GSG1L: variants seen among roughly 807,000 people sequenced by gnomAD.
The protein encoded by GSG1L is germ cell-specific gene 1-like protein.
A neutral mutation model predicts 42.1 loss-of-function variants in GSG1L; 24 were observed. That is an observed-to-expected ratio of 0.57 (90% CI 0.41 to 0.80). The LOEUF (loss-of-function observed/expected upper bound fraction) is 0.80. Among genes scored for constraint, GSG1L ranks in the 30% least tolerant of loss-of-function variants. The pLI, the probability that GSG1L is intolerant of heterozygous loss-of-function variation, is 0.00. For synonymous variants in GSG1L, 215 were observed against 203.5 expected (o/e 1.06, Z -0.48); for missense variants, 445 against 472.2 (o/e 0.94, Z 0.53).
chr16:27,961,190 C>A (rs367721045), intron 2 of GSG1L, among the ~76,000 whole-genome samples: 3 of 152,248 alleles, frequency 2.0e-5, no homozygotes, highest in African/African-American at 7.2e-5. Flanking sequence ...CACACATGCT[C>A]ACCCAGCTCA....
Position 28,059,676 on chromosome 16 carries a change from G to A in GSG1L, c.349+3400C>T, listed in dbSNP as rs1190056453. Reference sequence around the variant, plus strand: ...CCACCCCCACCACACTGACTAGAACGATGCTTGCTTCTGCTCCCCACCAAA... The same window carrying A: ...CCACCCCCACCACACTGACTAGAACAATGCTTGCTTCTGCTCCCCACCAAA... On this transcript the variant is annotated intron_variant, in intron 1 of 6. Transcript: ENST00000447459. This position sits in a 1 kb window ranked among gnomAD's most constrained non-coding sequence, Gnocchi z 4.4. 3.3e-5 allele frequency among the ~76,000 whole-genome samples: 5 copies of A among 151,994 alleles called. No individual in the cohort carries two copies. Among genetic ancestry groups the A allele is most frequent in the South Asian group, 2.1e-4 (1 of 4,804 alleles).
chr16:27,894,047 C>G (rs2084161519), intron 2 of GSG1L, among the ~76,000 whole-genome samples: 1 of 152,212 alleles, frequency 6.6e-6, no homozygotes, highest in Non-Finnish European at 1.5e-5. Flanking sequence ...GCCACCAACC[C>G]TGGCCAGCAA....
chr16:27,993,620 G>A (rs968559199), intron 1 of GSG1L, among the ~76,000 whole-genome samples: 7 of 152,162 alleles, frequency 4.6e-5, no homozygotes, highest in African/African-American at 1.7e-4. Context: ...AAACTTTCCA[G>A]TGGTGTAAGT....
At chr16:28,051,455 G>A (rs143267286) in intron 1 of GSG1L, among the ~76,000 whole-genome samples, 374 of 152,096 alleles carry the variant, frequency 2.5e-3, no homozygotes, top group African/African-American at 8.8e-3. Context: ...ACATCACTGA[G>A]GCATTGAGGT....
chr16:27,961,461 G>A (rs2085071374), intron 2 of GSG1L, among the ~76,000 whole-genome samples: 1 of 152,148 alleles, frequency 6.6e-6, no homozygotes, highest in Non-Finnish European at 1.5e-5. Flanking sequence ...CGCAGGCCTG[G>A]ATTTCACCCA....
intron 2 of GSG1L, among the ~76,000 whole-genome samples, chr16:27,924,202 A>T (rs537859265): frequency 2.0e-5 from 3 of 151,698 alleles, no homozygotes; most frequent in Non-Finnish European, 4.4e-5. Flanking sequence ...ACAAATATAG[A>T]CATTATATAC....
At chr16:27,920,040 C>T (rs990748530) in intron 2 of GSG1L, among the ~76,000 whole-genome samples, 6 of 152,152 alleles carry the variant, frequency 3.9e-5, no homozygotes, top group Admixed American at 6.5e-5. Flanking sequence ...CCTTGTGGCT[C>T]GGTCAGAATG....
chr16:27,800,578 C>T (rs1055802477), intron 6 of GSG1L, among the ~76,000 whole-genome samples: 5 of 152,012 alleles, frequency 3.3e-5, no homozygotes, highest in Non-Finnish European at 5.9e-5. Context: ...TGGCTGGTGG[C>T]GCCACAAAGC....
chr16:28,035,889 C>G (rs1203634270), intron 1 of GSG1L, among the ~76,000 whole-genome samples: 4 of 152,162 alleles, frequency 2.6e-5, no homozygotes, highest in Admixed American at 6.5e-5. Context: ...ACCCCAGTCC[C>G]TCAGGAAAAC....
rs1158215430 is a variant in GSG1L at position 27,831,214 on chromosome 16, C to G, written c.663-2258G>C. Among the ~76,000 whole-genome samples, 12 of 152,132 alleles carry G rather than the reference C, an allele frequency of 7.9e-5. 1 individual carries two copies. Among genetic ancestry groups the G allele is most frequent in the Admixed American group, 7.9e-4 (12 of 15,274 alleles). On this transcript the variant is annotated intron_variant, in intron 4 of 6. Coordinates refer to ENST00000447459, the MANE Select transcript of GSG1L (RefSeq NM_001109763.2). ...TGCTGGGGACCCTCTTGCCACCACC[C>G]AGCCTGAGAATGAAATTGACCCAAA...
intron 3 of GSG1L, among the ~76,000 whole-genome samples, chr16:27,869,205 C>T (rs1181197364): frequency 6.8e-6 from 1 of 147,662 alleles, no homozygotes; most frequent in African/African-American, 2.7e-5. Context: ...AAGAAAAAGG[C>T]TACAGGTGAG....
rs117553296 is a variant in GSG1L, at chr16:27,956,244, G to A, written c.397+6912C>T. 2.8e-3 allele frequency among the ~76,000 whole-genome samples: 432 copies of A among 152,300 alleles called. 1 individual carries two copies. Among genetic ancestry groups the A allele is most frequent in the South Asian group, 0.013 (61 of 4,826 alleles). The stretch of plus-strand genomic sequence containing the variant: ...AAAACAGTTCTTCAATCTCAGAAGA[G>A]GAAGCAATAATAGACCATTTAGCAG... On this transcript the variant is annotated intron_variant, in intron 2 of 6. Coordinates refer to ENST00000447459, the MANE Select transcript of GSG1L (RefSeq NM_001109763.2).
At chr16:27,974,028 ATTCCC>A (rs2085224844) in intron 1 of GSG1L, among the ~76,000 whole-genome samples, 2 of 151,924 alleles carry the variant, frequency 1.3e-5, no homozygotes, top group African/African-American at 4.8e-5. Flanking sequence ...TCCCCATCTG[ATTCCC>A]TTTGAGCTGC....
Position 27,888,487 on chromosome 16 carries a change from CTTTCTTTCTTTCTTTCTTT to C in GSG1L, c.398-3868_398-3850del, listed in dbSNP as rs1567505905. ...TTCTCTCTCTCTCTCTCTTTCCTTT[CTTTCTTTCTTTCTTTCTTT>C]CTTTCTTTCTTTCTTTCTTTCTTTC... On this transcript the variant is annotated intron_variant, in intron 2 of 6. Coordinates refer to ENST00000447459, the MANE Select transcript of GSG1L (RefSeq NM_001109763.2). 5.6e-3 allele frequency among the ~76,000 whole-genome samples: 74 copies of C among 13,120 alleles called. 15 individuals carry two copies. The highest frequency in any genetic ancestry group is 0.02 in the South Asian group (8 of 392). 8.6% of individuals were successfully genotyped at this position (13,120 alleles called of 152,430 possible).
At chr16:27,831,575 A>G (rs1006289059) in intron 4 of GSG1L, among the ~76,000 whole-genome samples, 3 of 152,150 alleles carry the variant, frequency 2.0e-5, no homozygotes, top group Admixed American at 6.5e-5. Context: ...AAAGAAAAAT[A>G]CCTTGCATGA....
chr16:27,926,684 G>A (rs568096548), intron 2 of GSG1L, among the ~76,000 whole-genome samples: 8 of 152,114 alleles, frequency 5.3e-5, no homozygotes, highest in Admixed American at 1.3e-4. Context: ...GCGAGACTCC[G>A]TCACAAAGGA....
At chr16:27,910,782 G>A (rs571084039) in intron 2 of GSG1L, among the ~76,000 whole-genome samples, 2 of 152,330 alleles carry the variant, frequency 1.3e-5, no homozygotes, top group African/African-American at 4.8e-5. Flanking sequence ...GGGAGGCCAA[G>A]GCAGCAGGAT....
chr16:27,854,271 G>A (rs2083548112), intron 3 of GSG1L, among the ~76,000 whole-genome samples: 1 of 142,098 alleles, frequency 7.0e-6, no homozygotes, highest in Non-Finnish European at 1.5e-5. Flanking sequence ...GGGAGGAGGA[G>A]GGGGAGGAGA....
At chr16:27,886,312 C>A (rs756337675) in intron 2 of GSG1L, among the ~76,000 whole-genome samples, 2 of 152,154 alleles carry the variant, frequency 1.3e-5, no homozygotes, top group Non-Finnish European at 2.9e-5. Context: ...TGGTGGCATG[C>A]ACCTGTAATA....
Sources: allele counts gnomAD v4.1 joint callset (sites outside exome capture counted in the v4.1 genomes callset), GRCh38; gene constraint gnomAD v4.1.1; non-coding constraint Gnocchi (gnomAD v3.1); transcripts MANE v1.5; gene names NCBI Gene and HGNC (gene_info 2026-07-23, HGNC 2026-07-21).